NEK7: variants seen among roughly 807,000 people sequenced by gnomAD.
NEK7 encodes NIMA related kinase 7.
Under a neutral mutation model 44.6 loss-of-function variants are expected in NEK7, and 18 were observed. The observed-to-expected ratio is 0.40, with a 90% CI of 0.28 to 0.60. The LOEUF (loss-of-function observed/expected upper bound fraction) is 0.60. Ranked by LOEUF, NEK7 falls within the 20% of genes least tolerant of loss-of-function variation. NEK7 has a pLI of 0.38. For missense variants in NEK7, 256 were observed against 366.5 expected, an observed-to-expected ratio of 0.70 and a Z score of 2.46; for synonymous variants, 130 against 121.1, an observed-to-expected ratio of 1.07 and a Z score of -0.48.
At chr1:198,313,094 C>A (rs1655242265) in intron 9 of NEK7, among the ~76,000 whole-genome samples, 1 of 151,976 alleles carries the variant, frequency 6.6e-6, no homozygotes, top group African/African-American at 2.4e-5. Context: ...GTAGGTCACT[C>A]AGGAGTTGCT....
chr1:198,234,203 G>T (rs1666482848), intron 2 of NEK7, among the ~76,000 whole-genome samples: 1 of 151,868 alleles, frequency 6.6e-6, no homozygotes. Flanking sequence ...TTACTTAATT[G>T]CACTATTACA....
intron 3 of NEK7, chr1:198,256,403 T>A (rs998809716): frequency 2.5e-6 from 4 of 1,612,100 alleles, no homozygotes; most frequent in Non-Finnish European, 2.5e-6. Context: ...CATAAAGGGA[T>A]CTGAGAGCCT....
At chr1:198,245,315 C>T (rs541466915) in intron 2 of NEK7, 48 of 169,306 alleles carry the variant, frequency 2.8e-4, no homozygotes, top group African/African-American at 9.6e-4. Flanking sequence ...ATTGTATAAA[C>T]GAGTAATTAA....
intron 1 of NEK7, among the ~76,000 whole-genome samples, chr1:198,185,502 T>C (rs1000727107): frequency 6.6e-6 from 1 of 152,168 alleles, no homozygotes; most frequent in Non-Finnish European, 1.5e-5. Context: ...AAAGTCTTAC[T>C]CTGACTTGTA....
chr1:198,251,879 T>C (rs1287242973), intron 2 of NEK7, among the ~76,000 whole-genome samples: 11 of 152,212 alleles, frequency 7.2e-5, no homozygotes, highest in African/African-American at 2.7e-4. Flanking sequence ...TTTCCTTCAG[T>C]TCTGCTCTGA....
intron 1 of NEK7, among the ~76,000 whole-genome samples, chr1:198,170,719 A>G (rs1664410949): frequency 6.6e-6 from 1 of 152,198 alleles, no homozygotes; most frequent in African/African-American, 2.4e-5. Context: ...TTTGAATACC[A>G]TGCTAAAATG....
chr1:198,317,884 T>TTTTG (rs1553258438), intron 9 of NEK7, among the ~76,000 whole-genome samples: 5 of 143,386 alleles, frequency 3.5e-5, no homozygotes, highest in South Asian at 4.4e-4. Context: ...TTTATTTTTT[T>TTTTG]TTTTTTTTTT....
chr1:198,191,759 T>C (rs1000971199), intron 1 of NEK7, among the ~76,000 whole-genome samples: 4 of 152,120 alleles, frequency 2.6e-5, no homozygotes, highest in African/African-American at 9.6e-5. Flanking sequence ...CTGCTTTTCA[T>C]ATTTAGTTCT....
intron 2 of NEK7, among the ~76,000 whole-genome samples, chr1:198,241,988 G>A (rs1666697036): frequency 6.6e-6 from 1 of 151,888 alleles, no homozygotes; most frequent in Admixed American, 6.6e-5. Flanking sequence ...TGCCTAGATG[G>A]CTTCTCCTTT....
At chr1:198,224,453 A>G (rs943201178) in intron 1 of NEK7, among the ~76,000 whole-genome samples, 8 of 152,192 alleles carry the variant, frequency 5.3e-5, no homozygotes, top group African/African-American at 1.9e-4. Context: ...TGTTCATACA[A>G]TGACAAAATC....
rs951566162 is a variant in NEK7 at position 198,209,762 on chromosome 1, A to T, written c.-28-22791A>T. On this transcript the variant is annotated intron_variant, in intron 1 of 9. Transcript: ENST00000367385. ...GCGATCCTCCTGCCTTGGCCTTCCA[A>T]AGTGCCTGGGATTACAGGTATGAGC... 2.0e-5 allele frequency among the ~76,000 whole-genome samples: 3 copies of T among 151,566 alleles called. No homozygotes were observed. The East Asian group carries it at 5.8e-4, about 29-fold the overall frequency.
intron 1 of NEK7, among the ~76,000 whole-genome samples, chr1:198,185,503 C>G (rs1488812984): frequency 6.6e-6 from 1 of 152,058 alleles, no homozygotes; most frequent in African/African-American, 2.4e-5. Flanking sequence ...AAGTCTTACT[C>G]TGACTTGTAG....
At chr1:198,249,982 A>T (rs940364871) in intron 2 of NEK7, among the ~76,000 whole-genome samples, 4 of 144,146 alleles carry the variant, frequency 2.8e-5, no homozygotes, top group Non-Finnish European at 6.0e-5. Context: ...GGTAACGCCT[A>T]GGTTTTCTTC....
chr1:198,225,804 T>A (rs1339445579), intron 1 of NEK7, among the ~76,000 whole-genome samples: 1 of 152,212 alleles, frequency 6.6e-6, no homozygotes, highest in East Asian at 1.9e-4. Flanking sequence ...TATTCATGAT[T>A]TAAAACCCAA....
chr1:198,232,667 C>G, intron 2 of NEK7, 30 bp downstream of exon 2: 1 of 1,326,602 alleles, frequency 7.5e-7, no homozygotes, highest in Non-Finnish European at 1.1e-6. Context: ...ATGGGCAGAA[C>G]TATATATAAT....
chr1:198,157,640 C>A (rs1218574102), intron 1 of NEK7, among the ~76,000 whole-genome samples: 1 of 152,232 alleles, frequency 6.6e-6, no homozygotes, highest in East Asian at 1.9e-4. Context: ...CCGGCGGATG[C>A]TCATTGGCGA....
chr1:198,237,679 G>T (rs907185435), intron 2 of NEK7, among the ~76,000 whole-genome samples: 4 of 152,014 alleles, frequency 2.6e-5, no homozygotes, highest in South Asian at 4.1e-4. Context: ...TGATCTCTTT[G>T]CTTTCATCCT....
rs537862004 is a variant in NEK7, at chr1:198,317,877, A to ATTTTTGTTTTTTTTTTTT, written c.799-1530_799-1529insGTTTTTTTTTTTTTTTTT. On this transcript the variant is annotated intron_variant, in intron 9 of 9. Transcript: ENST00000367385. ...GCATTGTGTATTACTGGATATATTT[A>ATTTTTGTTTTTTTTTTTT]TTTTTTTTTTTTTTTTTTTTTTTGG... Among the ~76,000 whole-genome samples the ATTTTTGTTTTTTTTTTTT allele has an allele frequency of 2.4e-4, 17 of 70,260 alleles. 1 individual carries two copies. The highest frequency in any genetic ancestry group is 3.8e-4 in the African/African-American group (6 of 15,794). The allele number at this position is 70,260 out of a possible 152,430, so 46.1% of individuals were successfully genotyped here. A position where few individuals can be genotyped will look rare whatever the true frequency, so the allele number is the denominator to read the frequency against.
At position 198,317,885 on chromosome 1, in the gene NEK7, T is replaced by TTG. The variant is rs1553258439; in HGVS notation, c.799-1526_799-1525insGT. Among the ~76,000 whole-genome samples, 312 of 144,522 alleles carry TTG rather than the reference T, an allele frequency of 2.2e-3. 5 individuals carry two copies. The highest frequency in any genetic ancestry group is 7.5e-3 in the African/African-American group (299 of 39,932). The allele number at this position is 144,522 out of a possible 152,430, so 94.8% of individuals were successfully genotyped here. On this transcript the variant is annotated intron_variant, in intron 9 of 9. Coordinates refer to ENST00000367385, the MANE Select transcript of NEK7 (RefSeq NM_133494.3). The stretch of plus-strand genomic sequence containing the variant: ...TATTACTGGATATATTTATTTTTTT[T>TTG]TTTTTTTTTTTTTTTGGTAACCTGG...
Sources: gnomAD v4.1 joint callset for allele counts (sites outside exome capture counted in the v4.1 genomes callset) on GRCh38, gnomAD v4.1.1 for gene constraint, MANE v1.5 for transcripts, NCBI Gene and HGNC (gene_info 2026-07-23, HGNC 2026-07-21) for gene names.